CFAP299: variants seen among roughly 807,000 people sequenced by gnomAD.
The protein encoded by CFAP299 is cilia and flagella associated protein 299, also known as cilia- and flagella-associated protein 299.
A neutral mutation model predicts 27.0 loss-of-function variants in CFAP299; 21 were observed. The observed-to-expected ratio is 0.78, with a 90% CI of 0.55 to 1.12. The LOEUF is 1.12. CFAP299 is among the 50% of genes most tolerant of loss of function. The pLI, the probability that CFAP299 is intolerant of heterozygous loss-of-function variation, is 0.00. For missense variants in CFAP299, 310 were observed against 276.6 expected, an observed-to-expected ratio of 1.12 and a Z score of -0.86; for synonymous variants, 104 against 98.1, an observed-to-expected ratio of 1.06 and a Z score of -0.36.
At chr4:80,745,118 G>A (rs975551156) in intron 3 of CFAP299, among the ~76,000 whole-genome samples, 1 of 152,110 alleles carries the variant, frequency 6.6e-6, no homozygotes, top group East Asian at 1.9e-4. Context: ...GAACGAGAAA[G>A]CAACATATTT....
chr4:80,575,685 G>T (rs924717360), intron 2 of CFAP299, among the ~76,000 whole-genome samples: 3 of 94,106 alleles, frequency 3.2e-5, no homozygotes, highest in Admixed American at 2.8e-4. Flanking sequence ...TTTTAGGTTT[G>T]TTTTGCTCTT....
At chr4:80,633,868 T>C (rs922023989) in intron 3 of CFAP299, among the ~76,000 whole-genome samples, 3 of 152,116 alleles carry the variant, frequency 2.0e-5, no homozygotes, top group Non-Finnish European at 4.4e-5. Flanking sequence ...TTTCTTTACA[T>C]GGTTGATATT....
intron 2 of CFAP299, among the ~76,000 whole-genome samples, chr4:80,547,663 T>G (rs1039391603): frequency 6.6e-6 from 1 of 151,902 alleles, no homozygotes; most frequent in Non-Finnish European, 1.5e-5. Context: ...TGTAAGGAAC[T>G]TAAACAAATC....
intron 3 of CFAP299, among the ~76,000 whole-genome samples, chr4:80,626,959 G>C (rs909276697): frequency 6.6e-6 from 1 of 151,710 alleles, no homozygotes; most frequent in Non-Finnish European, 1.5e-5. Flanking sequence ...CCAAAAAATT[G>C]AGGAGATGAA....
At chr4:80,714,880 T>C (rs1165338507) in intron 3 of CFAP299, among the ~76,000 whole-genome samples, 3 of 152,088 alleles carry the variant, frequency 2.0e-5, no homozygotes, top group African/African-American at 7.2e-5. Context: ...CTACTAATCA[T>C]ACTTCCGACA....
At chr4:80,675,994 C>T (rs978611967) in intron 3 of CFAP299, among the ~76,000 whole-genome samples, 8 of 152,152 alleles carry the variant, frequency 5.3e-5, no homozygotes, top group African/African-American at 1.9e-4. Context: ...CCTTGTGCTT[C>T]TCAGGTGAGG....
rs150352032 is a variant in CFAP299 at position 80,797,529 on chromosome 4, C to T, written c.334-72464C>T. The stretch of plus-strand genomic sequence containing the variant: ...GCTGCTTTACCTCTACTGTCCATTA[C>T]GGTAGCTATGCTCCCCTTGCCTTTG... On this transcript the variant is annotated intron_variant, in intron 3 of 5. Transcript: ENST00000358105. Among the ~76,000 whole-genome samples, 39 of 152,284 alleles carry T rather than the reference C, an allele frequency of 2.6e-4. No homozygotes were observed. The East Asian group carries it at 4.1e-3, about 16-fold the overall frequency.
At chr4:80,420,755 C>A (rs1182238936) in intron 2 of CFAP299, among the ~76,000 whole-genome samples, 1 of 151,952 alleles carries the variant, frequency 6.6e-6, no homozygotes, top group East Asian at 1.9e-4. Flanking sequence ...GATGTGTGTC[C>A]TTTGATTCTT....
intron 3 of CFAP299, among the ~76,000 whole-genome samples, chr4:80,756,339 T>C (rs182746492): frequency 2.6e-5 from 4 of 152,210 alleles, no homozygotes; most frequent in Non-Finnish European, 5.9e-5. Context: ...CATGAAAATA[T>C]ATTTAAGCAA....
intron 3 of CFAP299, among the ~76,000 whole-genome samples, chr4:80,770,805 T>C (rs1372142548): frequency 1.3e-5 from 2 of 152,102 alleles, no homozygotes; most frequent in South Asian, 2.1e-4. Context: ...TAAGTCCCTG[T>C]TGTCTTGTTA....
intron 3 of CFAP299, among the ~76,000 whole-genome samples, chr4:80,720,204 G>A (rs902449472): frequency 6.6e-6 from 1 of 152,122 alleles, no homozygotes; most frequent in African/African-American, 2.4e-5. Context: ...CCCCCCTCAA[G>A]AACTGAGCTG....
At chr4:80,720,625 C>T (rs1722757037) in intron 3 of CFAP299, among the ~76,000 whole-genome samples, 1 of 151,892 alleles carries the variant, frequency 6.6e-6, no homozygotes, top group Admixed American at 6.6e-5. Flanking sequence ...TATAATTAAT[C>T]TTACCATGTC....
At chr4:80,698,881 C>A (rs1205908555) in intron 3 of CFAP299, among the ~76,000 whole-genome samples, 1 of 152,124 alleles carries the variant, frequency 6.6e-6, no homozygotes, top group Non-Finnish European at 1.5e-5. Flanking sequence ...CCCCTATGAT[C>A]TAATCACCTC....
intron 3 of CFAP299, among the ~76,000 whole-genome samples, chr4:80,743,916 G>A (rs1263569077): frequency 1.3e-5 from 2 of 152,032 alleles, no homozygotes; most frequent in African/African-American, 4.8e-5. Context: ...TAGTAAATAC[G>A]ATTGTTGCCA....
chr4:80,669,124 CTT>C (rs1171093686), intron 3 of CFAP299, among the ~76,000 whole-genome samples: 1 of 36,026 alleles, frequency 2.8e-5, no homozygotes, highest in Admixed American at 3.6e-4. Flanking sequence ...CTTTTCTTTT[CTT>C]TTCTGTCTTT....
At chr4:80,481,079 T>A (rs1389463008) in intron 2 of CFAP299, among the ~76,000 whole-genome samples, 1 of 152,016 alleles carries the variant, frequency 6.6e-6, no homozygotes, top group Non-Finnish European at 1.5e-5. Flanking sequence ...GCAAGCATAG[T>A]CGTAGACACT....
intron 2 of CFAP299, among the ~76,000 whole-genome samples, chr4:80,546,171 C>T (rs1420965232): frequency 6.6e-6 from 1 of 152,112 alleles, no homozygotes; most frequent in East Asian, 1.9e-4. Context: ...GAAACATTAA[C>T]CTTGAGAACT....
At chr4:80,859,310 A>C (rs1732154619) in intron 3 of CFAP299, among the ~76,000 whole-genome samples, 1 of 152,120 alleles carries the variant, frequency 6.6e-6, no homozygotes, top group Admixed American at 6.6e-5. Flanking sequence ...GTGTCTCTGC[A>C]TGTGAGATGG....
rs79127708 is a variant in CFAP299, at chr4:80,595,505, A to G, written c.333+12322A>G. On this transcript the variant is annotated intron_variant, in intron 3 of 5. Transcript: ENST00000358105. ...CAACACTGGCTTGTCCAAAATTTGT[A>G]TGTATCTGTTGCTTTGCAATAGATG... 6.8e-3 allele frequency among the ~76,000 whole-genome samples: 1,039 copies of G among 152,268 alleles called. 13 individuals are homozygous for G. Among genetic ancestry groups the G allele is most frequent in the African/African-American group, 0.024 (998 of 41,552 alleles).
Sources: gnomAD v4.1 joint callset for allele counts (sites outside exome capture counted in the v4.1 genomes callset) on GRCh38, gnomAD v4.1.1 for gene constraint, MANE v1.5 for transcripts, NCBI Gene and HGNC (gene_info 2026-07-23, HGNC 2026-07-21) for gene names.